The following FAT4 variants were observed in gnomAD, a reference collection of about 807,000 sequenced individuals.
FAT4 encodes the protein FAT atypical cadherin 4, also known as protocadherin Fat 4.
In FAT4, 84 loss-of-function variants were observed where a neutral mutation model predicts 303.9. The observed-to-expected ratio is 0.28, with a 90% CI of 0.23 to 0.33. The LOEUF is 0.33. FAT4 is among the 10% of genes least tolerant of loss of function. The pLI, the probability that FAT4 is intolerant of heterozygous loss-of-function variation, is 1.00. For synonymous variants in FAT4, 2,307 were observed against 2,298.8 expected, an observed-to-expected ratio of 1.00 and a Z score of -0.10; for missense variants, 6,005 against 6,146.8, an observed-to-expected ratio of 0.98 and a Z score of 0.77.
chr4:125,345,324 C>T (rs1731955116), intron 2 of FAT4, among the ~76,000 whole-genome samples: 1 of 151,750 alleles, frequency 6.6e-6, no homozygotes, highest in Admixed American at 6.6e-5. Flanking sequence ...GCTAAGATTG[C>T]CTTTTTTGTG....
rs758537733 is a variant in FAT4, at chr4:125,490,046, C to G, written c.13230C>G (p.Pro4410=). 6.2e-7 allele frequency: 1 copy of G among 1,614,018 alleles called. No individual in the cohort carries two copies. The change falls in exon 18 of 18, where the codon CCC becomes CCG. Residue 4410 remains proline, a synonymous_variant. Coordinates refer to ENST00000394329, the MANE Select transcript of FAT4 (RefSeq NM_001291303.3). ...GCCCGAACATTTGTGCCAGCAACCC[C>G]TGCTGGGGTGATTTGCTGTGCATTA... ...CRGPNICASN[P]CWGDLLCINQ...
At chr4:125,366,249 C>G (rs1220586022) in intron 2 of FAT4, among the ~76,000 whole-genome samples, 1 of 152,166 alleles carries the variant, frequency 6.6e-6, no homozygotes, top group Non-Finnish European at 1.5e-5. Context: ...TCTCCCTCCT[C>G]CCATCCTCTG....
chr4:125,408,405 C>T (rs1325153168), intron 4 of FAT4, 39 bp from the exon 5 acceptor site: 5 of 1,338,434 alleles, frequency 3.7e-6, no homozygotes, highest in Non-Finnish European at 4.1e-6. Flanking sequence ...ATACTTCTTA[C>T]TTCCTTGATT....
intron 2 of FAT4, among the ~76,000 whole-genome samples, chr4:125,375,694 T>C (rs755669160): frequency 7.9e-5 from 12 of 152,254 alleles, no homozygotes; most frequent in Non-Finnish European, 1.3e-4. Context: ...TTCATGACTT[T>C]TGATGTCATC....
Position 125,415,795 on chromosome 4 carries a change from A to G in FAT4, c.6832A>G (p.Thr2278Ala), listed in dbSNP as rs775172064. Residue 2278 changes from threonine (T) to alanine (A), a missense_variant, in exon 6 of 18, where the codon ACA (threonine) becomes GCA (alanine). Thr to Ala is a moderately conservative substitution (Grantham distance 58, BLOSUM62 0). Transcript: ENST00000394329. Reference sequence around the variant, plus strand: ...TGAGAATTTAGGGACACTACCCAGAACAATTCTTCAGGTCAGTATATTTAA... The same window carrying G: ...TGAGAATTTAGGGACACTACCCAGAGCAATTCTTCAGGTCAGTATATTTAA... ...VPENLGTLPR[T>A]ILQVVARDDD... 2 of 1,609,454 alleles carry G rather than the reference A, an allele frequency of 1.2e-6. No individual in the cohort carries two copies. Among genetic ancestry groups the G allele is most frequent in the South Asian group, 2.2e-5 (2 of 90,682 alleles).
chr4:125,324,931 A>T (rs1731094602), intron 2 of FAT4, among the ~76,000 whole-genome samples: 1 of 152,170 alleles, frequency 6.6e-6, no homozygotes, highest in Non-Finnish European at 1.5e-5. Context: ...ACTAAAAATT[A>T]AAGAGTGGCA....
chr4:125,452,611 A>C lies in FAT4; in HGVS notation c.11601A>C (p.Glu3867Asp). The C allele has an allele frequency of 1.2e-6, 2 of 1,614,110 alleles. No homozygotes were observed. Among genetic ancestry groups the C allele is most frequent in the Non-Finnish European group, 1.7e-6 (2 of 1,180,030 alleles). ...GCTGGTGTGAAATAGATATAGATGA[A>C]TGTCTTCCATCACCTTGCCACAGTG... ...AGSWCEIDIDECLPSPCHSGG... is the reference protein window; with the variant it reads ...AGSWCEIDIDDCLPSPCHSGG... The change falls in exon 10 of 18, where the codon GAA (glutamate) becomes GAC (aspartate). Residue 3867 changes from glutamate (E) to aspartate (D), a missense_variant. Glu to Asp is a conservative substitution (Grantham distance 45). Coordinates refer to ENST00000394329, the MANE Select transcript of FAT4 (RefSeq NM_001291303.3).
intron 2 of FAT4, among the ~76,000 whole-genome samples, chr4:125,342,543 G>A (rs1201319036): frequency 6.6e-6 from 1 of 151,688 alleles, no homozygotes; most frequent in Non-Finnish European, 1.5e-5. Context: ...ATTAGTATAT[G>A]GCAAACTTAA....
In FAT4 at chr4:125,318,600, C is replaced by T. The variant is rs1192717588; in HGVS notation, c.2189C>T (p.Ala730Val). 6.2e-7 allele frequency: 1 copy of T among 1,614,118 alleles called. No individual in the cohort carries two copies. The highest frequency in any genetic ancestry group is 1.3e-5 in the African/African-American group (1 of 75,034). Residue 730 changes from alanine (A) to valine (V), a missense_variant, in exon 2 of 18, where the codon GCT becomes GTT. Ala to Val is a moderately conservative substitution (Grantham distance 64, BLOSUM62 0). Coordinates refer to ENST00000394329, the MANE Select transcript of FAT4 (RefSeq NM_001291303.3). Reference sequence around the variant, plus strand: ...GGTACTGTCAAATATAGCATATCTGCTGGGGACAGGTCTCGGTTTCAGGTC... The same window carrying T: ...GGTACTGTCAAATATAGCATATCTGTTGGGGACAGGTCTCGGTTTCAGGTC... ...TNGTVKYSIS[A>V]GDRSRFQVNA...
At chr4:125,414,598 C>G (rs1734966630) in intron 5 of FAT4, among the ~76,000 whole-genome samples, 1 of 152,198 alleles carries the variant, frequency 6.6e-6, no homozygotes, top group South Asian at 2.1e-4. Context: ...TAGCGTGTGG[C>G]ACTGTTAGTG....
chr4:125,460,480 C>A (rs1426778783), intron 10 of FAT4, among the ~76,000 whole-genome samples: 2 of 151,934 alleles, frequency 1.3e-5, no homozygotes, highest in Non-Finnish European at 2.9e-5. Context: ...GTTTCCTTCT[C>A]TGTGTCCATG....
chr4:125,363,661 A>T (rs1017211996), intron 2 of FAT4, among the ~76,000 whole-genome samples: 2 of 151,856 alleles, frequency 1.3e-5, no homozygotes, highest in African/African-American at 2.4e-5. Flanking sequence ...ACTCCTGGCT[A>T]ATTTTTTGTA....
chr4:125,423,086 A>G (rs531859838), intron 7 of FAT4, among the ~76,000 whole-genome samples: 3 of 152,202 alleles, frequency 2.0e-5, no homozygotes, highest in Non-Finnish European at 4.4e-5. Context: ...TTTAAGATGA[A>G]GCAGAGCATA....
chr4:125,452,713 A>G lies in FAT4; in HGVS notation c.11703A>G (p.Arg3901=). ...PDGFTGRACE[R]DINECLQSPC... is the part of the protein sequence containing the mutation. ...GCTTCACTGGTAGGGCGTGTGAGAG[A>G]GATATCAATGAGTGCCTGCAGAGTC... Residue 3901 remains arginine (R), a synonymous_variant, in exon 10 of 18, where the codon AGA becomes AGG. Transcript: ENST00000394329. The G allele has an allele frequency of 6.2e-7, 1 of 1,614,134 alleles. No individual in the cohort carries two copies. The highest frequency in any genetic ancestry group is 1.1e-5 in the South Asian group (1 of 91,080).
intron 12 of FAT4, among the ~76,000 whole-genome samples, chr4:125,471,681 C>T (rs934628856): frequency 1.3e-5 from 2 of 151,716 alleles, no homozygotes; most frequent in African/African-American, 4.8e-5. Context: ...TAACAGCTAT[C>T]AAGGATTTTT....
At chr4:125,371,252 A>C (rs1276331284) in intron 2 of FAT4, among the ~76,000 whole-genome samples, 8 of 151,932 alleles carry the variant, frequency 5.3e-5, no homozygotes, top group African/African-American at 1.9e-4. Context: ...CAAATATCTA[A>C]CATAAATATT....
intron 2 of FAT4, among the ~76,000 whole-genome samples, chr4:125,376,234 T>C (rs909666224): frequency 6.6e-6 from 1 of 152,268 alleles, no homozygotes; most frequent in Non-Finnish European, 1.5e-5. Flanking sequence ...AACAAATAAA[T>C]TAAATTGACA....
At chr4:125,479,221 C>T (rs1234441029) in intron 14 of FAT4, among the ~76,000 whole-genome samples, 2 of 152,178 alleles carry the variant, frequency 1.3e-5, no homozygotes, top group African/African-American at 4.8e-5. Context: ...TACCCTTTCT[C>T]ACCTTGATTT....
At position 125,489,901 on chromosome 4, in the gene FAT4, C is replaced by G; in HGVS notation, c.13085C>G (p.Ala4362Gly). The G allele has an allele frequency of 8.1e-7, 1 of 1,238,316 alleles. No homozygotes were observed. The highest frequency in any genetic ancestry group is 1.6e-5 in the South Asian group (1 of 61,596). The allele number at this position is 1,238,316 out of a possible 1,614,324, so 76.7% of individuals were successfully genotyped here. A position where few individuals can be genotyped will look rare whatever the true frequency, so the allele number is the denominator to read the frequency against. Residue 4362 changes from alanine to glycine, a missense_variant and splice_region_variant, in exon 18 of 18, where the codon GCA becomes GGA. Coordinates refer to ENST00000394329, the MANE Select transcript of FAT4 (RefSeq NM_001291303.3). Reference protein sequence around the residue: ...PNQAHRDAQTAGFDGCIASMW... With the variant: ...PNQAHRDAQTGGFDGCIASMW... ...GCCTTACTCCTTCTTCTTCTCCCAG[C>G]AGGTTTTGATGGCTGCATTGCTTCT...
Sources: allele counts gnomAD v4.1 joint callset (sites outside exome capture counted in the v4.1 genomes callset), GRCh38; gene constraint gnomAD v4.1.1; transcripts MANE v1.5; gene names NCBI Gene and HGNC (gene_info 2026-07-23, HGNC 2026-07-21).